Variants in CASP6 observed in about 807,000 individuals in gnomAD.
CASP6 encodes caspase-6.
CASP6 carries 20 observed loss-of-function variants against 31.8 expected under a neutral mutation model. That is an observed-to-expected ratio of 0.63 (90% CI 0.44 to 0.91). CASP6 has a LOEUF of 0.91. Among genes scored for constraint, CASP6 ranks in the 40% least tolerant of loss-of-function variants. The pLI is 0.00. For synonymous variants in CASP6, 130 were observed against 127.8 expected, an observed-to-expected ratio of 1.02 and a Z score of -0.12; for missense variants, 328 against 361.1, an observed-to-expected ratio of 0.91 and a Z score of 0.74.
downstream of CASP6, chr4:109,684,426 T>C: frequency 6.3e-7 from 1 of 1,586,280 alleles, no homozygotes; most frequent in South Asian, 1.1e-5. Flanking sequence ...AATTAACAGT[T>C]TTTCATTCCC....
At chr4:109,678,617 A>G in the CASP6 span, among the ~76,000 whole-genome samples, 3 of 119,358 alleles carry the variant, frequency 2.5e-5, no homozygotes, top group South Asian at 8.5e-4. Context: ...GGCACTCCTC[A>G]CCTCCCAGAC....
chr4:109,679,787 T>TTTGTTGTTG, the CASP6 span, among the ~76,000 whole-genome samples: 4,722 of 151,646 alleles, frequency 0.031, 239 homozygotes, highest in African/African-American at 0.11. Context: ...GAGGTATAAT[T>TTTGTTGTTG]TTGTTGTTGT....
chr4:109,699,506 A>T (rs1192685921), intron 1 of CASP6, among the ~76,000 whole-genome samples: 1 of 152,208 alleles, frequency 6.6e-6, no homozygotes, highest in East Asian at 1.9e-4. Context: ...CCCCACACTA[A>T]GGCATCCTCT....
upstream of CASP6, among the ~76,000 whole-genome samples, chr4:109,706,030 AT>A (rs1357240349): frequency 4.7e-4 from 50 of 107,170 alleles, no homozygotes; most frequent in African/African-American, 1.7e-3. Flanking sequence ...ATATATATAT[AT>A]AATATATATA....
the CASP6 span, among the ~76,000 whole-genome samples, chr4:109,666,433 C>T: frequency 0.025 from 3,819 of 152,228 alleles, 143 homozygotes; most frequent in African/African-American, 0.088. Context: ...ATGAGAATTC[C>T]TGTTGCCCCA....
chr4:109,682,595 T>C, the CASP6 span: 4 of 1,608,292 alleles, frequency 2.5e-6, no homozygotes, highest in South Asian at 2.2e-5. Flanking sequence ...AACCAAGTAA[T>C]GAGCACACTG....
At chr4:109,698,137 G>C (rs1198777729) in intron 2 of CASP6, among the ~76,000 whole-genome samples, 163 bp downstream of exon 2, 1 of 152,042 alleles carries the variant, frequency 6.6e-6, no homozygotes, top group Non-Finnish European at 1.5e-5. Flanking sequence ...GACAACCAGG[G>C]GCAGCACAAC....
Position 109,698,339 on chromosome 4 carries a change from C to T in CASP6, c.44G>A (p.Gly15Glu). Residue 15 changes from glycine to glutamate, a missense_variant, in exon 2 of 7, where the codon GGG (glycine) becomes GAG (glutamate). Coordinates refer to ENST00000265164, the MANE Select transcript of CASP6 (RefSeq NM_001226.4). ...SGLRRGHPAG[G>E]EENMTETDAF... ...ATCTGTTTCTGTCATGTTTTCTTCC[C>T]CACCTATTAAAAAAAGTTGATTTTT... is the stretch of plus-strand genomic sequence containing the variant. The T allele has an allele frequency of 6.2e-7, 1 of 1,609,802 alleles. No homozygotes were observed. Among genetic ancestry groups the T allele is most frequent in the South Asian group, 1.1e-5 (1 of 89,938 alleles).
At chr4:109,672,531 A>G in the CASP6 span, among the ~76,000 whole-genome samples, 399 of 152,336 alleles carry the variant, frequency 2.6e-3, no homozygotes, top group Middle Eastern at 0.01. Flanking sequence ...TAGGAGGAAG[A>G]AATTCATAAG....
At chr4:109,693,158 C>T (rs1032265089) in intron 5 of CASP6, among the ~76,000 whole-genome samples, 2 of 152,312 alleles carry the variant, frequency 1.3e-5, no homozygotes, top group Admixed American at 1.3e-4. Context: ...TCTCTGTCAC[C>T]TTCCACCATA....
the CASP6 span, among the ~76,000 whole-genome samples, chr4:109,677,994 T>C: frequency 2.6e-5 from 4 of 151,938 alleles, no homozygotes; most frequent in African/African-American, 9.7e-5. Flanking sequence ...CCCTGGGTAC[T>C]TGAGATTAGG....
chr4:109,684,998 T>C (rs963542306), downstream of CASP6: 2 of 396,046 alleles, frequency 5.0e-6, no homozygotes, highest in African/African-American at 4.1e-5. Flanking sequence ...TCCCTTTTCT[T>C]ATTTCTTCCT....
the CASP6 span, chr4:109,673,924 C>T: frequency 3.8e-6 from 3 of 780,424 alleles, no homozygotes; most frequent in Admixed American, 5.1e-5. Flanking sequence ...TAAAGAGGCA[C>T]CATTCGTACC....
intron 5 of CASP6, among the ~76,000 whole-genome samples, chr4:109,694,159 A>G (rs1302218891): frequency 6.6e-6 from 1 of 152,168 alleles, no homozygotes; most frequent in African/African-American, 2.4e-5. Flanking sequence ...CCACTGGTTT[A>G]TATGCTCTCC....
At chr4:109,706,010 A>AT (rs1232711323), upstream of CASP6, among the ~76,000 whole-genome samples, 425 of 81,940 alleles carry the variant, frequency 5.2e-3, 8 homozygotes, top group African/African-American at 0.025. Flanking sequence ...AAATATATAT[A>AT]TATATATATA....
chr4:109,686,543 T>C (rs1354633046), downstream of CASP6, among the ~76,000 whole-genome samples: 2 of 152,220 alleles, frequency 1.3e-5, no homozygotes, highest in East Asian at 3.8e-4. Context: ...AATAATCCTA[T>C]CTGAGAAGGC....
intron 5 of CASP6, among the ~76,000 whole-genome samples, chr4:109,693,404 T>C (rs773517869): frequency 2.0e-5 from 3 of 152,202 alleles, no homozygotes; most frequent in Non-Finnish European, 4.4e-5. Flanking sequence ...TTCAAAATCT[T>C]TGGCCGGGCA....
chr4:109,694,718 G>C lies in CASP6; in HGVS notation c.308-18C>G. ...AGTTGACACTATAAAGGACCCAAAA[G>C]AGAATATAGAAATGAAAATATGATG... On this transcript the variant is annotated intron_variant, in intron 4 of 6. Transcript: ENST00000265164. 6.7e-7 allele frequency: 1 copy of C among 1,499,194 alleles called. No homozygotes were observed. The highest frequency in any genetic ancestry group is 1.4e-5 in the South Asian group (1 of 72,622). The allele number at this position is 1,499,194 out of a possible 1,614,324, so 92.9% of individuals were successfully genotyped here. A position where few individuals can be genotyped will look rare whatever the true frequency, so the allele number is the denominator to read the frequency against.
chr4:109,698,188 G>A lies in CASP6; in HGVS notation c.83+112C>T, dbSNP rs1730310258. On this transcript the variant is annotated intron_variant, in intron 2 of 6. Transcript: ENST00000265164. ...TGAGCTCCCCAAAGGCTAAAACTTGGCCTACTCAGTTTTACTTCCTAGCTC... is the reference window on the plus strand; with the variant it reads ...TGAGCTCCCCAAAGGCTAAAACTTGACCTACTCAGTTTTACTTCCTAGCTC... The A allele has an allele frequency of 6.2e-6, 7 of 1,131,924 alleles. No homozygotes were observed. The Admixed American group carries it at 1.5e-4, about 24-fold the overall frequency. 70.1% of individuals were successfully genotyped at this position (1,131,924 alleles called of 1,614,324 possible).
Sources: allele counts gnomAD v4.1 joint callset (sites outside exome capture counted in the v4.1 genomes callset), GRCh38; gene constraint gnomAD v4.1.1; transcripts MANE v1.5; gene names NCBI Gene and HGNC (gene_info 2026-07-23, HGNC 2026-07-21).